MAN1C1: variants seen among roughly 807,000 people sequenced by gnomAD.
MAN1C1 encodes the protein mannosidase alpha class 1C member 1.
In MAN1C1, 49 loss-of-function variants were observed where a neutral mutation model predicts 71.5. That is an observed-to-expected ratio of 0.69 (90% CI 0.54 to 0.87). The LOEUF is 0.87. Ranked by LOEUF, MAN1C1 falls within the 40% of genes least tolerant of loss-of-function variation. MAN1C1 has a pLI of 0.00. For missense variants in MAN1C1, 743 were observed against 835.0 expected, an observed-to-expected ratio of 0.89 and a Z score of 1.36; for synonymous variants, 352 against 343.7, an observed-to-expected ratio of 1.02 and a Z score of -0.27.
chr1:25,624,594 A>G (rs1459357273), intron 1 of MAN1C1, among the ~76,000 whole-genome samples: 2 of 152,214 alleles, frequency 1.3e-5, no homozygotes, highest in African/African-American at 2.4e-5. Flanking sequence ...ACTTTGCTAT[A>G]TTGATTAGTG....
At position 25,764,069 on chromosome 1, in the gene MAN1C1, A is replaced by C; in HGVS notation, c.1141+102A>C. 1.1e-6 allele frequency: 1 copy of C among 927,230 alleles called. No individual in the cohort carries two copies. The highest frequency in any genetic ancestry group is 1.7e-6 in the Non-Finnish European group (1 of 583,006). 57.4% of individuals were successfully genotyped at this position (927,230 alleles called of 1,614,324 possible). A position where few individuals can be genotyped will look rare whatever the true frequency, so the allele number is the denominator to read the frequency against. On this transcript the variant is annotated intron_variant, in intron 7 of 11. Transcript: ENST00000374332. The surrounding 1 kb of genome is among the most constrained non-coding windows in gnomAD (Gnocchi z 4.4). ...TGGGCTGAGTGAGGATGTGTCTGTC[A>C]GAGCCATGCAGCCAGCAAGGCATTC...
rs563812510 is a variant in MAN1C1, at chr1:25,711,822, A to C, written c.637+25286A>C. On this transcript the variant is annotated intron_variant, in intron 2 of 11. Transcript: ENST00000374332. This position sits in a 1 kb window ranked among gnomAD's most constrained non-coding sequence, Gnocchi z 4.3. Reference sequence around the variant, plus strand: ...GTGTGTGAAAGAGGATACTTTCTTTATTTTACTAAAAGATTCCTTTCATTC... The same window carrying C: ...GTGTGTGAAAGAGGATACTTTCTTTCTTTTACTAAAAGATTCCTTTCATTC... 2.0e-5 allele frequency among the ~76,000 whole-genome samples: 3 copies of C among 152,232 alleles called. No homozygotes were observed. Among genetic ancestry groups the C allele is most frequent in the Non-Finnish European group, 2.9e-5 (2 of 68,022 alleles).
chr1:25,717,135 A>T (rs1459660536), intron 2 of MAN1C1, among the ~76,000 whole-genome samples: 1 of 152,156 alleles, frequency 6.6e-6, no homozygotes, highest in Non-Finnish European at 1.5e-5. Context: ...AGCAGTTTTC[A>T]TGTGGATGTA....
chr1:25,741,600 C>T (rs141940615), intron 2 of MAN1C1, among the ~76,000 whole-genome samples: 92 of 152,200 alleles, frequency 6.0e-4, no homozygotes, highest in African/African-American at 1.9e-3. Flanking sequence ...GACAGGGAAA[C>T]GCATGAGTCC....
chr1:25,646,971 A>G (rs534847946), intron 1 of MAN1C1, among the ~76,000 whole-genome samples: 57 of 152,262 alleles, frequency 3.7e-4, no homozygotes, highest in Non-Finnish European at 5.4e-4. Flanking sequence ...ACTCTGTTCA[A>G]CTTGGTGGGG....
chr1:25,727,665 A>T (rs2046850493), intron 2 of MAN1C1, among the ~76,000 whole-genome samples: 1 of 152,226 alleles, frequency 6.6e-6, no homozygotes. Flanking sequence ...TGTGTTGCTC[A>T]GGCCTTCCCC....
intron 2 of MAN1C1, among the ~76,000 whole-genome samples, chr1:25,692,126 C>T (rs1018465560): frequency 6.6e-6 from 1 of 152,104 alleles, no homozygotes; most frequent in Admixed American, 6.5e-5. Flanking sequence ...ACTGGGGGAC[C>T]GGGACTGGAA....
At chr1:25,692,027 T>C (rs1156957885) in intron 2 of MAN1C1, among the ~76,000 whole-genome samples, 4 of 152,190 alleles carry the variant, frequency 2.6e-5, no homozygotes, top group African/African-American at 9.7e-5. Flanking sequence ...AAGGGTTCTT[T>C]GATGGCGAGT....
In MAN1C1 at chr1:25,753,564, G is replaced by A. The variant is rs1384439328; in HGVS notation, c.915G>A (p.Val305=). Residue 305 remains valine, a synonymous_variant, in exon 5 of 12, where the codon GTG becomes GTA. Transcript: ENST00000374332. The surrounding 1 kb of genome is among the most constrained non-coding windows in gnomAD (Gnocchi z 4.9). ...FNTPTGIPKG[V]VSFKSGNWGW... ...CCCCCACGGGAATCCCAAAGGGCGTGGTGAGCTTCAAAAGGTAGGGCGCCA... is the reference window on the plus strand; with the variant it reads ...CCCCCACGGGAATCCCAAAGGGCGTAGTGAGCTTCAAAAGGTAGGGCGCCA... 3 of 1,613,482 alleles carry A rather than the reference G, an allele frequency of 1.9e-6. No individual in the cohort carries two copies. Among genetic ancestry groups the A allele is most frequent in the African/African-American group, 2.7e-5 (2 of 74,916 alleles).
At chr1:25,751,591 TGTCA>T (rs1291580874) in intron 4 of MAN1C1, among the ~76,000 whole-genome samples, 2 of 152,210 alleles carry the variant, frequency 1.3e-5, no homozygotes, top group Admixed American at 1.3e-4. Flanking sequence ...CAGGCTCCTG[TGTCA>T]GTCAGTGCAG....
At chr1:25,745,097 G>T (rs1359617218) in intron 2 of MAN1C1, among the ~76,000 whole-genome samples, 1 of 152,200 alleles carries the variant, frequency 6.6e-6, no homozygotes, top group African/African-American at 2.4e-5. Context: ...ACAGTTTTCT[G>T]CACTGAGTGC....
In MAN1C1 at chr1:25,779,470, C is replaced by A. The variant is rs111832821; in HGVS notation, c.1477+1146C>A. ...AGGAAGTCAGAGATTCGCAATGGGT[C>A]TTTAAAACTGGTTGTCCATTCTCTT... is the stretch of plus-strand genomic sequence containing the variant. On this transcript the variant is annotated intron_variant, in intron 9 of 11. Coordinates refer to ENST00000374332, the MANE Select transcript of MAN1C1 (RefSeq NM_020379.4). The surrounding 1 kb of genome is among the most constrained non-coding windows in gnomAD (Gnocchi z 4.6). Among the ~76,000 whole-genome samples the A allele has an allele frequency of 4.6e-4, 70 of 152,310 alleles. No homozygotes were observed. The highest frequency in any genetic ancestry group is 1.6e-3 in the African/African-American group (66 of 41,570).
chr1:25,733,808 A>T lies in MAN1C1; in HGVS notation c.638-12860A>T, dbSNP rs188013308. 5.1e-3 allele frequency among the ~76,000 whole-genome samples: 740 copies of T among 145,182 alleles called. 4 individuals are homozygous for T. Among genetic ancestry groups the T allele is most frequent in the African/African-American group, 0.019 (697 of 36,186 alleles). ...TTATTTATTTATTATTTTTATTTTT[A>T]TTTTTTTTTGAGACGGAGTCTTTCT... On this transcript the variant is annotated intron_variant, in intron 2 of 11. Transcript: ENST00000374332.
At chr1:25,686,676 T>C (rs746829280) in intron 2 of MAN1C1, 140 bp downstream of exon 2, 16 of 679,616 alleles carry the variant, frequency 2.4e-5, no homozygotes, top group Admixed American at 7.9e-5. Context: ...TCCAAGTCTG[T>C]GTTTCCTCTG....
chr1:25,629,078 T>C (rs114147778), intron 1 of MAN1C1, among the ~76,000 whole-genome samples: 58 of 152,382 alleles, frequency 3.8e-4, no homozygotes, highest in African/African-American at 1.3e-3. Context: ...GTCTTTTTCA[T>C]GTAATGGCTT....
chr1:25,709,196 G>A lies in MAN1C1; in HGVS notation c.637+22660G>A, dbSNP rs568950857. On this transcript the variant is annotated intron_variant, in intron 2 of 11. Coordinates refer to ENST00000374332, the MANE Select transcript of MAN1C1 (RefSeq NM_020379.4). ...GGCGGTATAGACGGCTGTCCTCCAT[G>A]CCTTGGATTGTAGGTGGCATTTACT... Among the ~76,000 whole-genome samples, 3 of 152,304 alleles carry A rather than the reference G, an allele frequency of 2.0e-5. No individual in the cohort carries two copies. The South Asian group carries it at 6.2e-4, about 32-fold the overall frequency.
At chr1:25,686,375 G>A (rs1441995955) in intron 1 of MAN1C1, 65 bp from the exon 2 acceptor site, 5 of 1,363,464 alleles carry the variant, frequency 3.7e-6, no homozygotes, top group Non-Finnish European at 5.2e-6. Flanking sequence ...GCAAAGCCAG[G>A]CGGCCAGTGC....
chr1:25,771,725 G>A lies in MAN1C1; in HGVS notation c.1210G>A (p.Gly404Ser), dbSNP rs1307775470. 3.1e-6 allele frequency: 5 copies of A among 1,614,156 alleles called. No individual in the cohort carries two copies. The East Asian group carries it at 8.9e-5, about 29-fold the overall frequency. The change falls in exon 8 of 12, where the codon GGC becomes AGC. Residue 404 changes from glycine (G) to serine (S), a missense_variant. Coordinates refer to ENST00000374332, the MANE Select transcript of MAN1C1 (RefSeq NM_020379.4). ...TTTGATCAAATCCTGGTTGATGTCG[G>A]GCAAGACAGATATGGAGGCTAAAAA... ...EYLIKSWLMS[G>S]KTDMEAKNMY...
chr1:25,654,648 T>C (rs1227850045), intron 1 of MAN1C1, among the ~76,000 whole-genome samples: 1 of 152,098 alleles, frequency 6.6e-6, no homozygotes, highest in African/African-American at 2.4e-5. Flanking sequence ...TAAATTTTCC[T>C]TTTTTCCTTT....
Sources: allele counts gnomAD v4.1 joint callset (sites outside exome capture counted in the v4.1 genomes callset), GRCh38; gene constraint gnomAD v4.1.1; non-coding constraint Gnocchi (gnomAD v3.1); transcripts MANE v1.5; gene names NCBI Gene and HGNC (gene_info 2026-07-23, HGNC 2026-07-21).